ITGA6: variants seen among roughly 807,000 people sequenced by gnomAD.
The protein encoded by ITGA6 is integrin subunit alpha 6.
ITGA6 carries 63 observed loss-of-function variants against 133.6 expected under a neutral mutation model. That is an observed-to-expected ratio of 0.47 (90% CI 0.38 to 0.58). The LOEUF (loss-of-function observed/expected upper bound fraction) is 0.58. Among genes scored for constraint, ITGA6 ranks in the 20% least tolerant of loss-of-function variants. ITGA6 has a pLI of 0.00. For missense variants in ITGA6, 1,068 were observed against 1,309.4 expected (o/e 0.82, Z 2.85); for synonymous variants, 434 against 482.0 (o/e 0.90, Z 1.30).
rs775945174 is a variant in ITGA6 at position 172,476,365 on chromosome 2, A to ATG, written c.1270-28_1270-27dup. On this transcript the variant is annotated intron_variant, in intron 8 of 25. Transcript: ENST00000684293. ...TTAAGAAGCTCATGGTGATAACCTA[A>ATG]TGTCCATTCGGATGCCCTGTGTATT... is the stretch of plus-strand genomic sequence containing the variant. The ATG allele has an allele frequency of 2.0e-5, 22 of 1,127,330 alleles. No individual in the cohort carries two copies. In the East Asian group the frequency reaches 5.2e-4, roughly 26 times the overall value. The allele number at this position is 1,127,330 out of a possible 1,614,324, so 69.8% of individuals were successfully genotyped here.
At chr2:172,434,337 G>A (rs1241522700) in intron 1 of ITGA6, among the ~76,000 whole-genome samples, 2 of 152,138 alleles carry the variant, frequency 1.3e-5, no homozygotes, top group Admixed American at 6.5e-5. Context: ...ACCAGTGCAG[G>A]TCCCTGTCAA....
intron 1 of ITGA6, among the ~76,000 whole-genome samples, chr2:172,447,556 AT>A (rs1684817608): frequency 6.6e-6 from 1 of 152,198 alleles, no homozygotes; most frequent in Admixed American, 6.5e-5. Context: ...GTACTTACAA[AT>A]TTCTGTTGAA....
At chr2:172,431,775 A>G (rs373234244) in intron 1 of ITGA6, among the ~76,000 whole-genome samples, 2 of 152,258 alleles carry the variant, frequency 1.3e-5, no homozygotes, top group African/African-American at 4.8e-5. Flanking sequence ...CTCTGCAAGA[A>G]AGCAGAAATA....
At chr2:172,470,939 A>AT (rs774795077) in intron 4 of ITGA6, 35 bp from the exon 5 acceptor site, 8 of 1,608,910 alleles carry the variant, frequency 5.0e-6, no homozygotes, top group East Asian at 4.5e-5. Context: ...TTTCATCTTC[A>AT]TTTTTTTGTT....
At chr2:172,471,746 G>T (rs1188121163) in intron 5 of ITGA6, among the ~76,000 whole-genome samples, 1 of 152,012 alleles carries the variant, frequency 6.6e-6, no homozygotes, top group African/African-American at 2.4e-5. Context: ...ATGACTAATG[G>T]GTGTCCTAAG....
At chr2:172,474,416 G>C in intron 6 of ITGA6, 151 bp downstream of exon 6, 1 of 729,642 alleles carries the variant, frequency 1.4e-6, no homozygotes, top group South Asian at 1.5e-5. Context: ...TCATTTCTAT[G>C]ATGGCAGCAG....
chr2:172,469,038 T>G, intron 3 of ITGA6, 87 bp from the exon 4 acceptor site: 12 of 1,392,572 alleles, frequency 8.6e-6, no homozygotes, highest in Non-Finnish European at 1.2e-5. Context: ...AGAATTAACC[T>G]CTGTATTGAC....
chr2:172,441,559 T>TAAAAAAA (rs57828626), intron 1 of ITGA6, among the ~76,000 whole-genome samples: 2 of 48,854 alleles, frequency 4.1e-5, no homozygotes, highest in African/African-American at 1.4e-4. Context: ...GCTGTCTCTT[T>TAAAAAAA]AAAAAAAAAA....
At chr2:172,447,205 A>G (rs1387551586) in intron 1 of ITGA6, among the ~76,000 whole-genome samples, 2 of 150,212 alleles carry the variant, frequency 1.3e-5, no homozygotes, top group Non-Finnish European at 3.0e-5. Flanking sequence ...GCCAAATTTT[A>G]TTTTTATTTT....
At chr2:172,459,103 C>T (rs986249634) in intron 1 of ITGA6, among the ~76,000 whole-genome samples, 1 of 152,156 alleles carries the variant, frequency 6.6e-6, no homozygotes, top group Non-Finnish European at 1.5e-5. Context: ...AAACGATCCA[C>T]ACACAATAAA....
At chr2:172,444,525 G>A (rs1207006670) in intron 1 of ITGA6, among the ~76,000 whole-genome samples, 2 of 151,338 alleles carry the variant, frequency 1.3e-5, no homozygotes, top group South Asian at 2.1e-4. Flanking sequence ...GGAGCATTTC[G>A]GATTTTGGAT....
rs1337571900 is a variant in ITGA6 at position 172,489,472 on chromosome 2, T to C, written c.2506-13T>C. On this transcript the variant is annotated splice_polypyrimidine_tract_variant and intron_variant, in intron 19 of 25. Coordinates refer to ENST00000684293, the MANE Select transcript of ITGA6 (RefSeq NM_000210.4). ...AAGATTAGACTGAGATAATATGTAT[T>C]ATTTTCTAACAGGTAATAAACTTAG... 6.3e-7 allele frequency: 1 copy of C among 1,598,606 alleles called. No individual in the cohort carries two copies. The highest frequency in any genetic ancestry group is 1.3e-5 in the African/African-American group (1 of 74,700).
intron 1 of ITGA6, among the ~76,000 whole-genome samples, chr2:172,458,341 G>T (rs547853530): frequency 6.6e-6 from 1 of 151,908 alleles, no homozygotes; most frequent in South Asian, 2.1e-4. Flanking sequence ...CGGGGTGCAG[G>T]CAATTCTTAT....
intron 2 of ITGA6, among the ~76,000 whole-genome samples, chr2:172,466,601 C>T (rs1369307047): frequency 6.6e-6 from 1 of 152,140 alleles, no homozygotes; most frequent in Non-Finnish European, 1.5e-5. Flanking sequence ...GCCTGGGTGA[C>T]AGAGCAAGAT....
chr2:172,449,401 G>T (rs1383711307), intron 1 of ITGA6, among the ~76,000 whole-genome samples: 1 of 151,972 alleles, frequency 6.6e-6, no homozygotes, highest in Non-Finnish European at 1.5e-5. Context: ...AGGTACCTAA[G>T]GTTGTATTCA....
intron 1 of ITGA6, among the ~76,000 whole-genome samples, chr2:172,445,387 C>A (rs1300562091): frequency 6.8e-6 from 1 of 146,870 alleles, no homozygotes; most frequent in Non-Finnish European, 1.5e-5. Context: ...CGGTGGCTCA[C>A]GCCTGTAATC....
chr2:172,427,502 C>A, upstream of ITGA6: 12 of 1,079,606 alleles, frequency 1.1e-5, no homozygotes, highest in Non-Finnish European at 1.3e-5. Context: ...GGGCCGCGGG[C>A]GCGCAAGGAG....
At chr2:172,457,768 T>C (rs1481271741) in intron 1 of ITGA6, among the ~76,000 whole-genome samples, 1 of 152,166 alleles carries the variant, frequency 6.6e-6, no homozygotes, top group Non-Finnish European at 1.5e-5. Flanking sequence ...GGGGGGAAGC[T>C]AGGCTGGGAT....
intron 1 of ITGA6, among the ~76,000 whole-genome samples, chr2:172,454,208 C>T (rs574047531): frequency 4.6e-5 from 7 of 151,966 alleles, no homozygotes; most frequent in East Asian, 1.9e-4. Flanking sequence ...CTCAGCCTCC[C>T]GAGTAGCTAG....
Sources: gnomAD v4.1 joint callset for allele counts (sites outside exome capture counted in the v4.1 genomes callset) on GRCh38, gnomAD v4.1.1 for gene constraint, MANE v1.5 for transcripts, NCBI Gene and HGNC (gene_info 2026-07-23, HGNC 2026-07-21) for gene names.